PLCB4: variants seen among roughly 807,000 people sequenced by gnomAD.
PLCB4 encodes phospholipase C beta 4.
A neutral mutation model predicts 178.8 loss-of-function variants in PLCB4; 77 were observed. The ratio of observed to expected loss-of-function variants is 0.43; its 90% CI spans 0.36 to 0.52. The LOEUF is 0.52. PLCB4 is among the 20% of genes least tolerant of loss of function. PLCB4 has a pLI of 0.00. For synonymous variants in PLCB4, 496 were observed against 490.8 expected (o/e 1.01, Z -0.14); for missense variants, 1,024 against 1,453.4 (o/e 0.70, Z 4.80).
At chr20:9,133,118 A>G (rs181866701) in intron 2 of PLCB4, among the ~76,000 whole-genome samples, 179 of 152,276 alleles carry the variant, frequency 1.2e-3, no homozygotes, top group African/African-American at 4.0e-3. Context: ...CATACTTGTC[A>G]TGTATGCTTC....
At chr20:9,097,445 A>G (rs569919971) in intron 2 of PLCB4, among the ~76,000 whole-genome samples, 1 of 151,574 alleles carries the variant, frequency 6.6e-6, no homozygotes, top group East Asian at 2.0e-4. Context: ...TGCCTCAGAG[A>G]TTTGGGGGGT....
chr20:9,124,479 A>G (rs2092059011), intron 2 of PLCB4, among the ~76,000 whole-genome samples: 1 of 152,214 alleles, frequency 6.6e-6, no homozygotes, highest in East Asian at 1.9e-4. Flanking sequence ...CCTGCGTGAC[A>G]GAATAGGACC....
intron 24 of PLCB4, among the ~76,000 whole-genome samples, chr20:9,410,698 A>G (rs2039796777): frequency 6.6e-6 from 1 of 152,170 alleles, no homozygotes; most frequent in Non-Finnish European, 1.5e-5. Flanking sequence ...TCCTCTGCCC[A>G]GGGATCCTGA....
At chr20:9,289,448 G>T (rs1006300405) in intron 3 of PLCB4, among the ~76,000 whole-genome samples, 11 of 151,626 alleles carry the variant, frequency 7.3e-5, no homozygotes, top group African/African-American at 1.9e-4. Context: ...AATTATTCGG[G>T]TTTTTTTTGG....
At chr20:9,114,088 C>T (rs1205132058) in intron 2 of PLCB4, among the ~76,000 whole-genome samples, 1 of 152,078 alleles carries the variant, frequency 6.6e-6, no homozygotes, top group Non-Finnish European at 1.5e-5. Flanking sequence ...GTGGTGCACG[C>T]CTGTAATCCC....
chr20:9,173,139 G>T (rs75772975), intron 2 of PLCB4, among the ~76,000 whole-genome samples: 1 of 152,182 alleles, frequency 6.6e-6, no homozygotes, highest in African/African-American at 2.4e-5. Context: ...CTTTGGTGTG[G>T]TCTGTGGTCT....
chr20:9,293,473 G>C (rs772495638), intron 3 of PLCB4, among the ~76,000 whole-genome samples: 1 of 151,272 alleles, frequency 6.6e-6, no homozygotes, highest in African/African-American at 2.4e-5. Flanking sequence ...CTGTCAGAAA[G>C]AGAGAAAGAG....
intron 2 of PLCB4, among the ~76,000 whole-genome samples, chr20:9,108,310 G>C (rs1032432473): frequency 2.0e-5 from 3 of 152,118 alleles, no homozygotes; most frequent in Non-Finnish European, 4.4e-5. Flanking sequence ...TCAGAGGACT[G>C]AGTCTAAGGG....
intron 7 of PLCB4, among the ~76,000 whole-genome samples, chr20:9,349,705 C>T (rs546321750): frequency 1.6e-4 from 25 of 152,284 alleles, no homozygotes; most frequent in African/African-American, 6.0e-4. Flanking sequence ...CAAATGACTC[C>T]ACCAAGGGAA....
intron 2 of PLCB4, among the ~76,000 whole-genome samples, chr20:9,116,133 C>T (rs2091769181): frequency 6.6e-6 from 1 of 151,494 alleles, no homozygotes; most frequent in African/African-American, 2.4e-5. Flanking sequence ...GATATTGTAT[C>T]CGTGTGTGTG....
Position 9,408,941 on chromosome 20 carries a change from C to G in PLCB4, c.1875-116C>G, listed in dbSNP as rs1309995528. 4.7e-5 allele frequency: 42 copies of G among 896,574 alleles called. No homozygotes were observed. The East Asian group carries it at 1.1e-3, about 23-fold the overall frequency. The allele number at this position is 896,574 out of a possible 1,614,324, so 55.5% of individuals were successfully genotyped here. ...ATCATTTGTAAATGTGAAATCTGCTCTGTGCTGTCTACTTGTTTGTCATTG... is the reference window on the plus strand; with the variant it reads ...ATCATTTGTAAATGTGAAATCTGCTGTGTGCTGTCTACTTGTTTGTCATTG... On this transcript the variant is annotated intron_variant, in intron 23 of 39. Transcript: ENST00000378473.
intron 2 of PLCB4, among the ~76,000 whole-genome samples, chr20:9,217,066 T>C (rs1329745018): frequency 6.6e-6 from 1 of 152,224 alleles, no homozygotes; most frequent in African/African-American, 2.4e-5. Flanking sequence ...AAGATAATTA[T>C]ATTTACTTTG....
chr20:9,196,715 G>A (rs528961913), intron 2 of PLCB4, among the ~76,000 whole-genome samples: 1 of 152,314 alleles, frequency 6.6e-6, no homozygotes, highest in Non-Finnish European at 1.5e-5. Flanking sequence ...CATCAGGTTA[G>A]TCTGCTTTCA....
At chr20:9,288,888 A>G (rs2094557393) in intron 3 of PLCB4, among the ~76,000 whole-genome samples, 1 of 152,064 alleles carries the variant, frequency 6.6e-6, no homozygotes, top group East Asian at 1.9e-4. Flanking sequence ...GACAGTTAGG[A>G]AATGAGGGTA....
intron 25 of PLCB4, among the ~76,000 whole-genome samples, chr20:9,412,433 T>C (rs1353940647): frequency 6.6e-6 from 1 of 152,054 alleles, no homozygotes; most frequent in East Asian, 1.9e-4. Flanking sequence ...GAGCCTCTCT[T>C]CTCTGCTTGA....
intron 2 of PLCB4, among the ~76,000 whole-genome samples, chr20:9,204,790 G>A (rs930697650): frequency 2.6e-5 from 4 of 152,068 alleles, no homozygotes; most frequent in East Asian, 3.9e-4. Flanking sequence ...AACTTTTGCC[G>A]CCCCGTAATG....
At chr20:9,250,260 G>T (rs1423737191) in intron 3 of PLCB4, among the ~76,000 whole-genome samples, 1 of 152,212 alleles carries the variant, frequency 6.6e-6, no homozygotes, top group African/African-American at 2.4e-5. Flanking sequence ...ACTCTGTGAT[G>T]GATGCCCTGT....
At chr20:9,428,714 A>G (rs913300065) in intron 28 of PLCB4, among the ~76,000 whole-genome samples, 3 of 151,936 alleles carry the variant, frequency 2.0e-5, no homozygotes, top group Admixed American at 2.0e-4. Context: ...TAAGTTAGGA[A>G]TAGTAGAGGG....
chr20:9,351,628 T>A (rs1381296565), intron 7 of PLCB4, among the ~76,000 whole-genome samples: 2 of 152,180 alleles, frequency 1.3e-5, no homozygotes, highest in Non-Finnish European at 2.9e-5. Flanking sequence ...GAGAACCAGG[T>A]AATGAAACTC....
Sources: allele counts gnomAD v4.1 joint callset (sites outside exome capture counted in the v4.1 genomes callset), GRCh38; gene constraint gnomAD v4.1.1; transcripts MANE v1.5; gene names NCBI Gene and HGNC (gene_info 2026-07-23, HGNC 2026-07-21).